The following SH2D6 variants were observed in gnomAD, a reference collection of about 807,000 sequenced individuals.
SH2D6 encodes the protein SH2 domain-containing protein 6.
In SH2D6, 31 loss-of-function variants were observed where a neutral mutation model predicts 30.2. That is an observed-to-expected ratio of 1.03 (90% CI 0.77 to 1.38). The LOEUF (loss-of-function observed/expected upper bound fraction) is 1.38. SH2D6 is among the 40% of genes most tolerant of loss of function. The pLI, the probability that SH2D6 is intolerant of heterozygous loss-of-function variation, is 0.00. For synonymous variants in SH2D6, 93 were observed against 104.6 expected (o/e 0.89, Z 0.68); for missense variants, 240 against 266.8 (o/e 0.90, Z 0.70).
chr2:85,422,918 A>C (rs989946552), intron 5 of SH2D6, among the ~76,000 whole-genome samples: 1 of 152,028 alleles, frequency 6.6e-6, no homozygotes, highest in Non-Finnish European at 1.5e-5. Context: ...ATGGTGTTTC[A>C]CTCTTGTCAC....
At chr2:85,433,931 A>G (rs1179477179) in intron 16 of SH2D6, 102 bp from the exon 17 acceptor site, 2 of 1,033,558 alleles carry the variant, frequency 1.9e-6, no homozygotes, top group African/African-American at 1.6e-5. Flanking sequence ...TCCAGGCTGC[A>G]GAGAAGCAGC....
chr2:85,433,471 C>T (rs1689004406), intron 15 of SH2D6, 100 bp from the exon 16 acceptor site: 6 of 486,874 alleles, frequency 1.2e-5, no homozygotes, highest in Non-Finnish European at 1.6e-5. Context: ...AGGTGCCTGC[C>T]ACCCCTTCAA....
In SH2D6 at chr2:85,435,510, G is replaced by T. The variant is rs1224618205; in HGVS notation, c.732+14G>T. On this transcript the variant is annotated intron_variant, in intron 21 of 23. Coordinates refer to ENST00000469800, the MANE Select transcript of SH2D6 (RefSeq NM_001394463.1). Reference sequence around the variant, plus strand: ...CACTTACAAAAGGTGGGCAGCCACGGACCCCGGGTCTTCTCCAAAACCCCT... The same window carrying T: ...CACTTACAAAAGGTGGGCAGCCACGTACCCCGGGTCTTCTCCAAAACCCCT... 6.2e-7 allele frequency: 1 copy of T among 1,612,218 alleles called. No individual in the cohort carries two copies. Among genetic ancestry groups the T allele is most frequent in the Non-Finnish European group, 8.5e-7 (1 of 1,179,240 alleles).
At chr2:85,435,613 G>A in intron 21 of SH2D6, 53 bp from the exon 22 acceptor site, 2 of 1,579,258 alleles carry the variant, frequency 1.3e-6, no homozygotes, top group Non-Finnish European at 1.7e-6. Flanking sequence ...ATGGGTCAGG[G>A]CAGTGGGAGG....
chr2:85,434,441 G>A (rs1046627353), intron 18 of SH2D6, 32 bp from the exon 19 acceptor site: 8 of 1,550,264 alleles, frequency 5.2e-6, no homozygotes, highest in African/African-American at 2.7e-5. Flanking sequence ...CCTGGGGCCC[G>A]GCCTCTTCTG....
chr2:85,435,677 T>A lies in SH2D6; in HGVS notation c.744T>A (p.Tyr248Ter), dbSNP rs142984757. The A allele has an allele frequency of 7.8e-5, 125 of 1,609,112 alleles. No individual in the cohort carries two copies. In the African/African-American group the frequency reaches 1.4e-3, roughly 18 times the overall value. Residue 248 changes from tyrosine to a stop codon, truncating the protein, a stop_gained, in exon 22 of 24, where the codon TAT becomes TAA. Coordinates refer to ENST00000469800, the MANE Select transcript of SH2D6 (RefSeq NM_001394463.1). LOFTEE classifies it high-confidence loss of function. ...GGTCTCCTCCACAGGATGGGGCCTA[T>A]ACCGTGCGCCCCAGCTCAGGGCCTC... The part of the protein sequence containing the change: ...ALLHLQKDGA[Y>*]TVRPSSGPHG...
chr2:85,426,866 G>T (rs1440397532), intron 6 of SH2D6, among the ~76,000 whole-genome samples: 1 of 152,310 alleles, frequency 6.6e-6, no homozygotes, highest in African/African-American at 2.4e-5. Flanking sequence ...TGGGGTGGCC[G>T]GGCAGGCGTC....
Position 85,429,368 on chromosome 2 carries a change from T to C in SH2D6, c.-94-4T>C, listed in dbSNP as rs1688343006. The C allele has an allele frequency of 6.6e-6, 1 of 152,142 alleles. No individual in the cohort carries two copies. The highest frequency in any genetic ancestry group is 2.1e-4 in the South Asian group (1 of 4,822). The allele number at this position is 152,142 out of a possible 1,614,324, so 9.4% of individuals were successfully genotyped here. On this transcript the variant is annotated splice_region_variant and splice_polypyrimidine_tract_variant and intron_variant, in intron 7 of 23. Coordinates refer to ENST00000469800, the MANE Select transcript of SH2D6 (RefSeq NM_001394463.1). ...CACAGCAGATCTACCTTCCTGGTGT[T>C]TAGGAGATGCAAATGATGGGAACAA...
At position 85,434,472 on chromosome 2, in the gene SH2D6, G is replaced by C. The variant is rs1232370605; in HGVS notation, c.565-1G>C. ...TTCTGATCAGACCTCCTGTATGCCAGGGAACAGCAGATGCTGCCTCTAAAG... is the reference window on the plus strand; with the variant it reads ...TTCTGATCAGACCTCCTGTATGCCACGGAACAGCAGATGCTGCCTCTAAAG... On this transcript the variant is annotated splice_acceptor_variant, in intron 18 of 23. Coordinates refer to ENST00000469800, the MANE Select transcript of SH2D6 (RefSeq NM_001394463.1). LOFTEE classifies it high-confidence loss of function. 18 of 1,550,420 alleles carry C rather than the reference G, an allele frequency of 1.2e-5. No homozygotes were observed. Among genetic ancestry groups the C allele is most frequent in the Middle Eastern group, 1.7e-4 (1 of 6,014 alleles).
intron 17 of SH2D6, 45 bp downstream of exon 17, chr2:85,434,156 C>T: frequency 2.6e-6 from 4 of 1,543,304 alleles, no homozygotes; most frequent in Non-Finnish European, 3.5e-6. Context: ...GTATGTGAGA[C>T]ACAGAGAGAG....
At chr2:85,436,437 AC>A in intron 22 of SH2D6, 28 bp from the exon 23 acceptor site, 1 of 1,556,846 alleles carries the variant, frequency 6.4e-7, no homozygotes, top group South Asian at 1.1e-5. Context: ...GGCTCATGGG[AC>A]TCACGGATGC....
At chr2:85,432,290 C>G (rs969793129) in intron 14 of SH2D6, among the ~76,000 whole-genome samples, 3 of 151,776 alleles carry the variant, frequency 2.0e-5, no homozygotes, top group Non-Finnish European at 4.4e-5. Flanking sequence ...CTCTGTTACC[C>G]ATGCTGGAGT....
At chr2:85,428,424 T>C (rs1688245672) in intron 6 of SH2D6, among the ~76,000 whole-genome samples, 160 bp from the exon 7 acceptor site, 1 of 152,182 alleles carries the variant, frequency 6.6e-6, no homozygotes, top group Non-Finnish European at 1.5e-5. Flanking sequence ...TCCCTTAAGA[T>C]TCATATGCTA....
chr2:85,422,844 T>G (rs1309270285), intron 5 of SH2D6, among the ~76,000 whole-genome samples, 154 bp downstream of exon 5: 1 of 152,202 alleles, frequency 6.6e-6, no homozygotes, highest in Non-Finnish European at 1.5e-5. Context: ...GTGGAATGCC[T>G]TCCGGAAAAA....
At chr2:85,428,496 A>C (rs1688252113) in intron 6 of SH2D6, 88 bp from the exon 7 acceptor site, 1 of 152,194 alleles carries the variant, frequency 6.6e-6, no homozygotes, top group South Asian at 2.1e-4. Flanking sequence ...ATTAAGAATA[A>C]ATGAGGTCAT....
Position 85,434,045 on chromosome 2 carries a change from C to A in SH2D6, c.467C>A (p.Thr156Asn). Residue 156 changes from threonine to asparagine, a missense_variant, in exon 17 of 24, where the codon ACT becomes AAT. Coordinates refer to ENST00000469800, the MANE Select transcript of SH2D6 (RefSeq NM_001394463.1). ...ECEPDPVLAL[T>N]QTLSFQVLMP... ...CTCCCTGTTTCAGTCCTGGCTTTGA[C>A]TCAGACTCTCAGCTTCCAAGTCCTG... 1 of 1,550,542 alleles carries A rather than the reference C, an allele frequency of 6.4e-7. No individual in the cohort carries two copies. The highest frequency in any genetic ancestry group is 1.2e-5 in the South Asian group (1 of 84,050).
At chr2:85,434,728 C>G in intron 19 of SH2D6, 8 of 1,439,438 alleles carry the variant, frequency 5.6e-6, no homozygotes, top group Non-Finnish European at 6.4e-6. Flanking sequence ...CCCTCAGGCC[C>G]CAAGTTACTG....
Position 85,430,815 on chromosome 2 carries a change from GGAGA to G in SH2D6, c.250+171_250+174del, listed in dbSNP as rs1195309877. Among the ~76,000 whole-genome samples the G allele has an allele frequency of 7.0e-6, 1 of 142,938 alleles. No individual in the cohort carries two copies. The highest frequency in any genetic ancestry group is 6.9e-5 in the Admixed American group (1 of 14,484). 93.8% of individuals were successfully genotyped at this position (142,938 alleles called of 152,430 possible). A position where few individuals can be genotyped will look rare whatever the true frequency, so the allele number is the denominator to read the frequency against. On this transcript the variant is annotated intron_variant, in intron 12 of 23. Coordinates refer to ENST00000469800, the MANE Select transcript of SH2D6 (RefSeq NM_001394463.1). This position sits in a 1 kb window ranked among gnomAD's most constrained non-coding sequence, Gnocchi z 4.3. ...TCACCAGGGCCTCTTGGCTGGGCAG[GGAGA>G]GAGAGAGGGATGAAGGAACGGAGGG...
intron 2 of SH2D6, among the ~76,000 whole-genome samples, chr2:85,419,609 A>G (rs1285771507): frequency 3.9e-5 from 6 of 152,176 alleles, no homozygotes; most frequent in Non-Finnish European, 8.8e-5. Context: ...CCAGCAACAC[A>G]TTGGACTTTC....
Sources: allele counts gnomAD v4.1 joint callset (sites outside exome capture counted in the v4.1 genomes callset), GRCh38; gene constraint gnomAD v4.1.1; non-coding constraint Gnocchi (gnomAD v3.1); transcripts MANE v1.5; gene names NCBI Gene and HGNC (gene_info 2026-07-23, HGNC 2026-07-21).